The following COMMD10 variants were observed in gnomAD, a reference collection of about 807,000 sequenced individuals.
COMMD10 encodes COMM domain-containing protein 10.
COMMD10 carries 33 observed loss-of-function variants against 28.9 expected under a neutral mutation model. That is an observed-to-expected ratio of 1.14 (90% CI 0.87 to 1.53). The LOEUF is 1.53. Among genes scored for constraint, COMMD10 ranks in the 40% most tolerant of loss-of-function variants. The probability of loss-of-function intolerance (pLI) is 0.00; values close to 1 mark genes in which losing one functional copy is unlikely to be tolerated. For missense variants in COMMD10, 310 were observed against 233.4 expected, an observed-to-expected ratio of 1.33 and a Z score of -2.14; for synonymous variants, 110 against 81.7, an observed-to-expected ratio of 1.35 and a Z score of -1.87.
At chr5:116,125,493 T>C (rs890447376) in intron 4 of COMMD10, among the ~76,000 whole-genome samples, 1 of 152,128 alleles carries the variant, frequency 6.6e-6, no homozygotes, top group Admixed American at 6.6e-5. Context: ...TTTTTTCCTT[T>C]GTTTCAACTC....
chr5:116,184,860 G>A (rs12653124), intron 5 of COMMD10, among the ~76,000 whole-genome samples: 15,710 of 152,000 alleles, frequency 0.1, 946 homozygotes, highest in East Asian at 0.23. Flanking sequence ...TAATATAATC[G>A]ATTTTGGGGC....
chr5:116,219,215 G>A (rs1274724355), intron 5 of COMMD10, among the ~76,000 whole-genome samples: 1 of 130,870 alleles, frequency 7.6e-6, no homozygotes, highest in Non-Finnish European at 1.8e-5. Context: ...TATTGTTGGT[G>A]GCTGTTGTTT....
At chr5:116,151,908 A>G (rs974809132) in intron 5 of COMMD10, among the ~76,000 whole-genome samples, 1 of 151,836 alleles carries the variant, frequency 6.6e-6, no homozygotes, top group Non-Finnish European at 1.5e-5. Flanking sequence ...GCTTTGGAAT[A>G]TGTTTGCTCT....
intron 5 of COMMD10, among the ~76,000 whole-genome samples, chr5:116,146,711 A>G (rs995016059): frequency 6.6e-6 from 1 of 151,836 alleles, no homozygotes; most frequent in Non-Finnish European, 1.5e-5. Context: ...TAGTCTTTTC[A>G]GATTTTTTCT....
At chr5:116,088,460 A>G (rs1750187403) in intron 2 of COMMD10, among the ~76,000 whole-genome samples, 1 of 152,170 alleles carries the variant, frequency 6.6e-6, no homozygotes, top group South Asian at 2.1e-4. Context: ...TTTTCCTGAA[A>G]CAAAGATGTA....
intron 5 of COMMD10, among the ~76,000 whole-genome samples, chr5:116,208,024 C>T (rs1315128125): frequency 6.6e-6 from 1 of 152,040 alleles, no homozygotes; most frequent in African/African-American, 2.4e-5. Context: ...ATTGCAATGC[C>T]TGGGTTCTGT....
chr5:116,142,949 T>G (rs1212969833), intron 5 of COMMD10, among the ~76,000 whole-genome samples: 1 of 151,682 alleles, frequency 6.6e-6, no homozygotes, highest in Non-Finnish European at 1.5e-5. Context: ...TTCCTGATTC[T>G]TTGTTTTGTA....
intron 5 of COMMD10, among the ~76,000 whole-genome samples, chr5:116,242,196 G>C (rs947566746): frequency 6.6e-6 from 1 of 152,172 alleles, no homozygotes; most frequent in Non-Finnish European, 1.5e-5. Context: ...ACAGACAACA[G>C]ATAATTGTAC....
chr5:116,190,889 T>G (rs1355375856), intron 5 of COMMD10, among the ~76,000 whole-genome samples: 1 of 152,188 alleles, frequency 6.6e-6, no homozygotes, highest in African/African-American at 2.4e-5. Context: ...AAGTGAATAT[T>G]TAAGTCATGT....
chr5:116,192,035 C>G (rs547953770), intron 5 of COMMD10, among the ~76,000 whole-genome samples: 8 of 150,016 alleles, frequency 5.3e-5, no homozygotes, highest in African/African-American at 1.9e-4. Flanking sequence ...CGGGTAGACT[C>G]GGTGGCTAGA....
chr5:116,165,614 C>CTG (rs1010341606), intron 5 of COMMD10, among the ~76,000 whole-genome samples: 11 of 151,536 alleles, frequency 7.3e-5, no homozygotes, highest in Non-Finnish European at 4.4e-5. Context: ...GTGGGTGTAT[C>CTG]TGTGTGTGTG....
At chr5:116,173,786 T>TCC (rs1012062066) in intron 5 of COMMD10, among the ~76,000 whole-genome samples, 1 of 151,590 alleles carries the variant, frequency 6.6e-6, no homozygotes, top group Non-Finnish European at 1.5e-5. Flanking sequence ...GGTATCACCT[T>TCC]CCTTGTTAAT....
intron 4 of COMMD10, among the ~76,000 whole-genome samples, chr5:116,126,139 CAG>C (rs201241607): frequency 0.022 from 3,285 of 152,206 alleles, 112 homozygotes; most frequent in African/African-American, 0.076. Context: ...CAATAACAAA[CAG>C]AGATCCAAAT....
At chr5:116,194,407 T>G (rs1031145011) in intron 5 of COMMD10, among the ~76,000 whole-genome samples, 1 of 152,078 alleles carries the variant, frequency 6.6e-6, no homozygotes, top group South Asian at 2.1e-4. Flanking sequence ...ATAAAAAAAT[T>G]GATAGACCAT....
chr5:116,122,112 T>C lies in COMMD10; in HGVS notation c.400-11956T>C, dbSNP rs564335104. On this transcript the variant is annotated intron_variant, in intron 4 of 6. Coordinates refer to ENST00000274458, the MANE Select transcript of COMMD10 (RefSeq NM_016144.4). ...GTTTTCTTCTAGGGTTTTTATGTTTTAGGTCTAACATGTAAGTCTGTAAGC... is the reference window on the plus strand; with the variant it reads ...GTTTTCTTCTAGGGTTTTTATGTTTCAGGTCTAACATGTAAGTCTGTAAGC... Among the ~76,000 whole-genome samples the C allele has an allele frequency of 2.7e-4, 41 of 152,364 alleles. No homozygotes were observed. The South Asian group carries it at 8.5e-3, about 32-fold the overall frequency.
At chr5:116,087,203 A>G (rs1046009989) in intron 1 of COMMD10, among the ~76,000 whole-genome samples, 2 of 152,148 alleles carry the variant, frequency 1.3e-5, no homozygotes, top group Admixed American at 6.5e-5. Flanking sequence ...TAAACGCTCT[A>G]CTAAATTAAG....
In COMMD10 at chr5:116,166,985, G is replaced by C. The variant is rs1356180057; in HGVS notation, c.510+32807G>C. On this transcript the variant is annotated intron_variant, in intron 5 of 6. Transcript: ENST00000274458. ...TCCTCACCAGCAAGGGAACATAACT[G>C]GTTGGAGAATGAGTTTGACGAATTG... is the stretch of plus-strand genomic sequence containing the variant. Among the ~76,000 whole-genome samples, 8 of 152,126 alleles carry C rather than the reference G, an allele frequency of 5.3e-5. No homozygotes were observed. The East Asian group carries it at 1.4e-3, about 26-fold the overall frequency.
At chr5:116,199,584 CAA>C (rs76883918) in intron 5 of COMMD10, among the ~76,000 whole-genome samples, 16,934 of 152,052 alleles carry the variant, frequency 0.11, 1,353 homozygotes, top group African/African-American at 0.22. Context: ...AAGAATGAAA[CAA>C]AGTTATTTTA....
chr5:116,290,018 C>G (rs1212437123), intron 5 of COMMD10, among the ~76,000 whole-genome samples: 2 of 151,836 alleles, frequency 1.3e-5, no homozygotes, highest in Non-Finnish European at 2.9e-5. Flanking sequence ...CAAAGCAAAG[C>G]AAAATATAGA....
Sources: gnomAD v4.1 joint callset for allele counts (sites outside exome capture counted in the v4.1 genomes callset) on GRCh38, gnomAD v4.1.1 for gene constraint, MANE v1.5 for transcripts, NCBI Gene and HGNC (gene_info 2026-07-23, HGNC 2026-07-21) for gene names.